Variants in ASTN2 observed in about 807,000 individuals in gnomAD.
The protein encoded by ASTN2 is astrotactin-2.
ASTN2 carries 54 observed loss-of-function variants against 139.8 expected under a neutral mutation model. The ratio of observed to expected loss-of-function variants is 0.39; its 90% CI spans 0.31 to 0.48. The LOEUF (loss-of-function observed/expected upper bound fraction) is 0.48, where lower values mean the gene tolerates loss of function less well. Ranked by LOEUF, ASTN2 falls within the 20% of genes least tolerant of loss-of-function variation. ASTN2 has a pLI of 0.95. For synonymous variants in ASTN2, 756 were observed against 719.5 expected, an observed-to-expected ratio of 1.05 and a Z score of -0.81; for missense variants, 1,565 against 1,725.1, an observed-to-expected ratio of 0.91 and a Z score of 1.64.
At chr9:116,887,464 T>G (rs1348744633) in intron 10 of ASTN2, among the ~76,000 whole-genome samples, 3 of 151,218 alleles carry the variant, frequency 2.0e-5, no homozygotes, top group Non-Finnish European at 4.4e-5. Flanking sequence ...AAAAACGTGT[T>G]ACAAGCAGAG....
chr9:117,034,744 AAAC>A (rs1483768904), intron 6 of ASTN2, among the ~76,000 whole-genome samples: 1 of 152,162 alleles, frequency 6.6e-6, no homozygotes, highest in African/African-American at 2.4e-5. Flanking sequence ...ACAGCTGGAT[AAAC>A]AACACTAGCT....
At chr9:117,200,656 G>A (rs1268708259) in intron 3 of ASTN2, among the ~76,000 whole-genome samples, 2 of 152,088 alleles carry the variant, frequency 1.3e-5, no homozygotes, top group Non-Finnish European at 2.9e-5. Context: ...TTATGTAATA[G>A]ATTACATTTA....
intron 1 of ASTN2, among the ~76,000 whole-genome samples, chr9:117,317,764 GA>G (rs1828191852): frequency 1.3e-5 from 2 of 152,142 alleles, no homozygotes; most frequent in Non-Finnish European, 2.9e-5. Context: ...AGAACCCCAG[GA>G]AAAACTGATG....
chr9:117,380,442 TA>T (rs1289746875), intron 1 of ASTN2, among the ~76,000 whole-genome samples: 1 of 151,802 alleles, frequency 6.6e-6, no homozygotes, highest in East Asian at 1.9e-4. Flanking sequence ...CTGTCTCTAC[TA>T]AAAATACAAA....
chr9:117,343,494 G>A (rs924968835), intron 1 of ASTN2, among the ~76,000 whole-genome samples: 12 of 152,232 alleles, frequency 7.9e-5, no homozygotes, highest in South Asian at 2.1e-4. Context: ...AATAGATAAC[G>A]TTTGTGTGGC....
chr9:117,015,250 C>T (rs567341925), intron 6 of ASTN2, among the ~76,000 whole-genome samples: 1 of 152,220 alleles, frequency 6.6e-6, no homozygotes, highest in African/African-American at 2.4e-5. Flanking sequence ...AACTCCTGGG[C>T]TCAAGCGATC....
intron 20 of ASTN2, among the ~76,000 whole-genome samples, chr9:116,467,874 C>T (rs1047982457): frequency 2.6e-5 from 4 of 152,150 alleles, no homozygotes; most frequent in African/African-American, 9.7e-5. Context: ...GAACTCTTTT[C>T]CCAGAATGAA....
intron 19 of ASTN2, among the ~76,000 whole-genome samples, chr9:116,566,139 C>G (rs575749376): frequency 3.9e-5 from 6 of 152,270 alleles, no homozygotes; most frequent in African/African-American, 1.2e-4. Context: ...GCATCTAATT[C>G]CTTAGTCTTG....
chr9:117,169,942 T>C (rs1351541509), intron 3 of ASTN2, among the ~76,000 whole-genome samples: 1 of 152,116 alleles, frequency 6.6e-6, no homozygotes, highest in African/African-American at 2.4e-5. Context: ...CATCCTGGTC[T>C]TGGAAGGAGA....
intron 16 of ASTN2, among the ~76,000 whole-genome samples, chr9:116,654,386 G>C (rs1442234387): frequency 2.0e-5 from 3 of 152,180 alleles, no homozygotes; most frequent in Non-Finnish European, 4.4e-5. Flanking sequence ...CTAGTTTACA[G>C]GTGGGGAAAC....
intron 20 of ASTN2, among the ~76,000 whole-genome samples, chr9:116,449,298 A>C (rs983126844): frequency 6.6e-6 from 1 of 152,140 alleles, no homozygotes; most frequent in African/African-American, 2.4e-5. Context: ...CCCAGCTACT[A>C]GGGAGGCTGA....
chr9:117,034,092 A>G (rs148300643), intron 6 of ASTN2, among the ~76,000 whole-genome samples: 4 of 152,156 alleles, frequency 2.6e-5, no homozygotes, highest in African/African-American at 9.6e-5. Context: ...GTCTTGGAAC[A>G]AAACAGGGAA....
intron 2 of ASTN2, among the ~76,000 whole-genome samples, chr9:117,260,715 A>C (rs1564112731): frequency 1.3e-5 from 2 of 152,074 alleles, no homozygotes; most frequent in African/African-American, 4.8e-5. Flanking sequence ...ACTATTAACT[A>C]ACTGTGTGAC....
chr9:116,510,588 T>A (rs1442243747), intron 19 of ASTN2, among the ~76,000 whole-genome samples: 1 of 152,212 alleles, frequency 6.6e-6, no homozygotes, highest in African/African-American at 2.4e-5. Context: ...CAAGTTACCT[T>A]GGGCAGTATG....
chr9:116,943,367 C>A (rs1748522312), intron 10 of ASTN2, among the ~76,000 whole-genome samples: 1 of 152,070 alleles, frequency 6.6e-6, no homozygotes, highest in African/African-American at 2.4e-5. Flanking sequence ...TTCTTTCTTC[C>A]CTAACCTGTA....
At position 117,359,441 on chromosome 9, in the gene ASTN2, A is replaced by G. The variant is rs1274429119; in HGVS notation, c.442+55056T>C. ...AAGAAAGGCAAAAGCTGTCTTCACG[A>G]TGTATCTGTTGCATGCTGAGATAAG... On this transcript the variant is annotated intron_variant, in intron 1 of 22. Coordinates refer to ENST00000313400, the MANE Select transcript of ASTN2 (RefSeq NM_001365068.1). Among the ~76,000 whole-genome samples the G allele has an allele frequency of 3.3e-5, 5 of 152,334 alleles. No homozygotes were observed. In the East Asian group the frequency reaches 9.7e-4, roughly 29 times the overall value.
chr9:116,548,612 A>G (rs1364874456), intron 19 of ASTN2, among the ~76,000 whole-genome samples: 3 of 152,038 alleles, frequency 2.0e-5, no homozygotes, highest in Admixed American at 6.6e-5. Flanking sequence ...ATCTGGGATT[A>G]CAGGTGCCCC....
chr9:116,837,046 G>T (rs138796201), intron 11 of ASTN2, among the ~76,000 whole-genome samples: 1 of 152,114 alleles, frequency 6.6e-6, no homozygotes, highest in South Asian at 2.1e-4. Flanking sequence ...CAACTGGAAG[G>T]CATAGGAGGG....
At chr9:117,397,201 C>T (rs932330017) in intron 1 of ASTN2, among the ~76,000 whole-genome samples, 1 of 152,064 alleles carries the variant, frequency 6.6e-6, no homozygotes, top group Non-Finnish European at 1.5e-5. Context: ...TGAGCCACAG[C>T]GCCTGGCCCA....
Sources: allele counts gnomAD v4.1 joint callset (sites outside exome capture counted in the v4.1 genomes callset), GRCh38; gene constraint gnomAD v4.1.1; transcripts MANE v1.5; gene names NCBI Gene and HGNC (gene_info 2026-07-23, HGNC 2026-07-21).